The following FNDC3B variants were observed in gnomAD, a reference collection of about 807,000 sequenced individuals.
The protein encoded by FNDC3B is fibronectin type III domain-containing protein 3B.
A neutral mutation model predicts 151.5 loss-of-function variants in FNDC3B; 12 were observed. The ratio of observed to expected loss-of-function variants is 0.08; its 90% CI spans 0.05 to 0.13. FNDC3B has a LOEUF of 0.13. Ranked by LOEUF, FNDC3B falls within the 10% of genes least tolerant of loss-of-function variation. The pLI is 1.00. For synonymous variants in FNDC3B, 528 were observed against 549.0 expected (o/e 0.96, Z 0.54); for missense variants, 1,214 against 1,505.3 (o/e 0.81, Z 3.20).
chr3:172,200,572 G>A (rs910932401), intron 3 of FNDC3B, among the ~76,000 whole-genome samples: 4 of 152,112 alleles, frequency 2.6e-5, no homozygotes, highest in Non-Finnish European at 4.4e-5. Flanking sequence ...TGTTAGATGC[G>A]TTCACCCAAC....
intron 3 of FNDC3B, among the ~76,000 whole-genome samples, chr3:172,223,220 C>T (rs999766527): frequency 6.6e-6 from 1 of 152,138 alleles, no homozygotes; most frequent in African/African-American, 2.4e-5. Context: ...TTTAGGAAGA[C>T]AATAACTTCT....
chr3:172,362,527 T>C (rs1009046107), intron 22 of FNDC3B, 106 bp from the exon 23 acceptor site: 12 of 864,300 alleles, frequency 1.4e-5, no homozygotes, highest in Admixed American at 4.4e-5. Context: ...TTCTATGTTA[T>C]TGCTTTAGGG....
chr3:172,361,134 A>G (rs1326065243), intron 22 of FNDC3B, among the ~76,000 whole-genome samples: 1 of 152,128 alleles, frequency 6.6e-6, no homozygotes, highest in African/African-American at 2.4e-5. Context: ...GGTTTGTGAA[A>G]TGCCCTTTAA....
chr3:172,253,397 A>T (rs540786305), intron 6 of FNDC3B, among the ~76,000 whole-genome samples: 1 of 152,200 alleles, frequency 6.6e-6, no homozygotes, highest in Non-Finnish European at 1.5e-5. Context: ...CTTCTTGTTC[A>T]TGGGGTCCAT....
intron 22 of FNDC3B, 72 bp from the exon 23 acceptor site, chr3:172,362,561 A>G: frequency 1.8e-6 from 2 of 1,116,390 alleles, no homozygotes; most frequent in South Asian, 1.3e-5. Context: ...ACTATGCTCA[A>G]TGTTTATTTC....
intron 3 of FNDC3B, among the ~76,000 whole-genome samples, chr3:172,221,467 A>G (rs1319013153): frequency 6.6e-6 from 1 of 151,990 alleles, no homozygotes; most frequent in East Asian, 1.9e-4. Flanking sequence ...TGTTAGAAAT[A>G]CTCATTCTTG....
At chr3:172,245,050 C>T (rs973591662) in intron 4 of FNDC3B, among the ~76,000 whole-genome samples, 3 of 152,038 alleles carry the variant, frequency 2.0e-5, no homozygotes, top group Non-Finnish European at 4.4e-5. Flanking sequence ...ACAAATCCCA[C>T]AGAATAAGAT....
intron 1 of FNDC3B, among the ~76,000 whole-genome samples, chr3:172,049,006 G>A (rs1424835479): frequency 6.6e-6 from 1 of 152,040 alleles, no homozygotes; most frequent in African/African-American, 2.4e-5. Context: ...TTTCTGTTTG[G>A]GATGATAAAA....
chr3:172,113,696 G>T (rs1031439559), intron 2 of FNDC3B, among the ~76,000 whole-genome samples: 1 of 151,980 alleles, frequency 6.6e-6, no homozygotes, highest in Admixed American at 6.5e-5. Flanking sequence ...TCTTAAAAAC[G>T]TAAACACCTG....
chr3:172,252,450 C>T (rs1728135104), intron 6 of FNDC3B, among the ~76,000 whole-genome samples: 1 of 151,476 alleles, frequency 6.6e-6, no homozygotes, highest in South Asian at 2.1e-4. Context: ...TTCTACCTGA[C>T]TGAGATGCAG....
chr3:172,168,719 CTT>C (rs775314296), intron 3 of FNDC3B, among the ~76,000 whole-genome samples: 4 of 133,150 alleles, frequency 3.0e-5, no homozygotes, highest in Non-Finnish European at 3.2e-5. Flanking sequence ...TTTTCTTTTA[CTT>C]TTTTTTTTTT....
intron 3 of FNDC3B, among the ~76,000 whole-genome samples, chr3:172,182,670 A>G (rs1723972776): frequency 6.6e-6 from 1 of 152,210 alleles, no homozygotes; most frequent in African/African-American, 2.4e-5. Context: ...CCAACATAGA[A>G]TCTTAAGAAG....
chr3:172,202,419 G>A (rs1391298246), intron 3 of FNDC3B, among the ~76,000 whole-genome samples: 1 of 152,154 alleles, frequency 6.6e-6, no homozygotes, highest in Admixed American at 6.5e-5. Flanking sequence ...TTTTCGGCCA[G>A]TATTTCCTTT....
chr3:172,154,229 T>C (rs1410756353), intron 3 of FNDC3B, among the ~76,000 whole-genome samples: 1 of 152,150 alleles, frequency 6.6e-6, no homozygotes, highest in Non-Finnish European at 1.5e-5. Context: ...TGGTTTCTTT[T>C]TTTTTGAGAC....
intron 3 of FNDC3B, among the ~76,000 whole-genome samples, chr3:172,134,765 T>C (rs1721278645): frequency 6.6e-6 from 1 of 152,172 alleles, no homozygotes; most frequent in African/African-American, 2.4e-5. Flanking sequence ...ATTTCTACTC[T>C]GCATTTCTCT....
intron 11 of FNDC3B, among the ~76,000 whole-genome samples, chr3:172,312,285 T>C (rs1289147468): frequency 6.6e-6 from 1 of 152,198 alleles, no homozygotes; most frequent in Non-Finnish European, 1.5e-5. Context: ...CTTAGGATCG[T>C]TTCGAATAGC....
intron 22 of FNDC3B, among the ~76,000 whole-genome samples, chr3:172,361,471 C>T (rs1213393231): frequency 6.6e-6 from 1 of 152,204 alleles, no homozygotes; most frequent in Non-Finnish European, 1.5e-5. Flanking sequence ...CAGCCTTCCA[C>T]AAAGCCCTAG....
At chr3:172,233,241 A>C (rs896267025) in intron 4 of FNDC3B, among the ~76,000 whole-genome samples, 1 of 152,336 alleles carries the variant, frequency 6.6e-6, no homozygotes, top group South Asian at 2.1e-4. Context: ...GAAACCTCCA[A>C]GTTAATGTTC....
intron 6 of FNDC3B, among the ~76,000 whole-genome samples, chr3:172,254,209 T>A (rs58590971): frequency 0.012 from 1,802 of 152,312 alleles, 41 homozygotes; most frequent in African/African-American, 0.041. Context: ...TATAAATACA[T>A]GTATTAAAAA....
Sources: allele counts gnomAD v4.1 joint callset (sites outside exome capture counted in the v4.1 genomes callset), GRCh38; gene constraint gnomAD v4.1.1; transcripts MANE v1.5; gene names NCBI Gene and HGNC (gene_info 2026-07-23, HGNC 2026-07-21).